The following NLRP5 variants were observed in gnomAD, a reference collection of about 807,000 sequenced individuals.
NLRP5 encodes NACHT, LRR and PYD domains-containing protein 5.
NLRP5 carries 93 observed loss-of-function variants against 113.1 expected under a neutral mutation model. The ratio of observed to expected loss-of-function variants is 0.82; its 90% confidence interval spans 0.70 to 0.98. The LOEUF is 0.98. NLRP5 is among the 50% of genes least tolerant of loss of function. The pLI is 0.00. For synonymous variants in NLRP5, 751 were observed against 600.7 expected (o/e 1.25, Z -3.66); for missense variants, 1,808 against 1,514.3 (o/e 1.19, Z -3.22).
At chr19:56,021,281 AAG>A (rs1982607361) in intron 6 of NLRP5, among the ~76,000 whole-genome samples, 1 of 152,210 alleles carries the variant, frequency 6.6e-6, no homozygotes, top group South Asian at 2.1e-4. Flanking sequence ...CCAAAGATGT[AAG>A]AGCAGGCTTC....
In NLRP5 at chr19:56,028,510, G is replaced by T. The variant is rs1192602636; in HGVS notation, c.2276+1G>T. 2 of 1,611,470 alleles carry T rather than the reference G, an allele frequency of 1.2e-6. No individual in the cohort carries two copies. The highest frequency in any genetic ancestry group is 1.1e-5 in the South Asian group (1 of 90,862). On this transcript the variant is annotated splice_donor_variant, in intron 7 of 14. Transcript: ENST00000390649. LOFTEE classifies it high-confidence loss of function. Reference sequence around the variant, plus strand: ...AGGCATGTCCTGTGGTCCCTCTATGGTGAGTACCCCAGGCAGTTTTATCCT... The same window carrying T: ...AGGCATGTCCTGTGGTCCCTCTATGTTGAGTACCCCAGGCAGTTTTATCCT...
At chr19:56,032,225 G>A (rs1357758597) in intron 7 of NLRP5, among the ~76,000 whole-genome samples, 9 of 151,942 alleles carry the variant, frequency 5.9e-5, no homozygotes, top group African/African-American at 2.2e-4. Flanking sequence ...TGCGCCTGTA[G>A]TCCCAGCTAC....
chr19:55,995,799 CTTAG>C (rs1162545784), upstream of NLRP5, among the ~76,000 whole-genome samples: 1 of 151,910 alleles, frequency 6.6e-6, no homozygotes, highest in Non-Finnish European at 1.5e-5. Flanking sequence ...TTCTTACCTC[CTTAG>C]TTAAATTTAT....
In NLRP5 at chr19:56,032,731, G is replaced by A. The variant is rs561876909; in HGVS notation, c.2397G>A (p.Lys799=). Reference sequence around the variant, plus strand: ...GCATCCTGACAGAGCGGGCCATGAAGACCCTGTGTGCCAAGCTGAGGCATC... The same window carrying A: ...GCATCCTGACAGAGCGGGCCATGAAAACCCTGTGTGCCAAGCTGAGGCATC... Residue 799 remains lysine (K), a synonymous_variant, in exon 8 of 15, where the codon AAG becomes AAA. Coordinates refer to ENST00000390649, the MANE Select transcript of NLRP5 (RefSeq NM_153447.4). 6.2e-7 allele frequency: 1 copy of A among 1,612,882 alleles called. No homozygotes were observed.
At chr19:55,999,634 A>G (rs1981548086), upstream of NLRP5, 1 of 966,436 alleles carries the variant, frequency 1.0e-6, no homozygotes, top group South Asian at 1.3e-5. Flanking sequence ...GAAACCTCAC[A>G]GTAACCCTTG....
rs918889035 is a variant in NLRP5, at chr19:56,061,739, A to G, written c.*211A>G. The stretch of plus-strand genomic sequence containing the variant: ...TAGAGACCTTCAAGTCATAGGACTC[A>G]GTATCTGTGAAATGTCCGTCATATC... On this transcript the variant is annotated 3_prime_UTR_variant, in exon 15 of 15. Transcript: ENST00000390649. The G allele has an allele frequency of 7.3e-6, 4 of 546,194 alleles. No homozygotes were observed. In the Admixed American group the frequency reaches 1.0e-4, roughly 14 times the overall value. The allele number at this position is 546,194 out of a possible 1,614,324, so 33.8% of individuals were successfully genotyped here.
intron 2 of NLRP5, among the ~76,000 whole-genome samples, chr19:56,005,775 C>T (rs191383344): frequency 2.6e-5 from 4 of 152,210 alleles, no homozygotes; most frequent in Admixed American, 1.3e-4. Flanking sequence ...GGGTATTATT[C>T]CCAGGAAGAG....
At chr19:56,000,734 G>A (rs1981613706) in intron 1 of NLRP5, among the ~76,000 whole-genome samples, 1 of 151,954 alleles carries the variant, frequency 6.6e-6, no homozygotes, top group African/African-American at 2.4e-5. Flanking sequence ...TTGGTCGGGT[G>A]TGGTGGCTCA....
At chr19:56,054,633 G>C (rs898625354) in intron 13 of NLRP5, among the ~76,000 whole-genome samples, 1 of 151,458 alleles carries the variant, frequency 6.6e-6, no homozygotes, top group Admixed American at 6.6e-5. Context: ...ACGTCGTGCT[G>C]AGTGAAAGAA....
At chr19:56,052,252 T>G (rs1262162924) in intron 12 of NLRP5, among the ~76,000 whole-genome samples, 2 of 112,150 alleles carry the variant, frequency 1.8e-5, no homozygotes, top group East Asian at 2.0e-4. Context: ...TTTTGTTTTG[T>G]TTTTGTTTTT....
intron 1 of NLRP5, among the ~76,000 whole-genome samples, chr19:56,000,717 T>C (rs547594673): frequency 6.6e-5 from 10 of 151,862 alleles, no homozygotes; most frequent in Non-Finnish European, 1.3e-4. Context: ...GTTAGAAATA[T>C]TCAAACTTGG....
Position 56,061,686 on chromosome 19 carries a change from C to A in NLRP5, c.*158C>A. 1 of 804,670 alleles carries A rather than the reference C, an allele frequency of 1.2e-6. No homozygotes were observed. Among genetic ancestry groups the A allele is most frequent in the Non-Finnish European group, 2.0e-6 (1 of 502,204 alleles). The allele number at this position is 804,670 out of a possible 1,614,324, so 49.8% of individuals were successfully genotyped here. ...AATGGTAGTGATTCTTCTGTGTTCA[C>A]TCTACGTTGGTTACTGGATTTGAAG... On this transcript the variant is annotated 3_prime_UTR_variant, in exon 15 of 15. Transcript: ENST00000390649.
At chr19:56,037,931 A>G in intron 9 of NLRP5, 94 bp from the exon 10 acceptor site, 1 of 1,340,690 alleles carries the variant, frequency 7.5e-7, no homozygotes, top group Non-Finnish European at 1.0e-6. Flanking sequence ...GAGGACCAGG[A>G]AAACGGCCAG....
At chr19:56,004,950 C>T (rs1176911316) in intron 2 of NLRP5, among the ~76,000 whole-genome samples, 1 of 151,580 alleles carries the variant, frequency 6.6e-6, no homozygotes, top group African/African-American at 2.4e-5. Flanking sequence ...AAAAATTAGC[C>T]AGGCGTCATG....
At position 56,016,958 on chromosome 19, in the gene NLRP5, G is replaced by A. The variant is rs143333446; in HGVS notation, c.565+1160G>A. Among the ~76,000 whole-genome samples, 246 of 152,164 alleles carry A rather than the reference G, an allele frequency of 1.6e-3. 4 individuals are homozygous for A. The East Asian group carries it at 0.034, about 21-fold the overall frequency. On this transcript the variant is annotated intron_variant, in intron 4 of 14. Transcript: ENST00000390649. ...CAAGTAGCTGGGATTACAGGCATGCGCCACCATGCCCAGCTAATTTTTGTA... is the reference window on the plus strand; with the variant it reads ...CAAGTAGCTGGGATTACAGGCATGCACCACCATGCCCAGCTAATTTTTGTA...
rs1179992208 is a variant in NLRP5, at chr19:56,050,562, A to G, written c.3102A>G (p.Glu1034=). ...AGCTTCTGTGCGAGGTCATGAGAGA[A>G]CCATCTTGTCATCTCCAGGACCTGG... is the stretch of plus-strand genomic sequence containing the variant. Residue 1034 remains glutamate, a synonymous_variant, in exon 12 of 15, where the codon GAA becomes GAG. Transcript: ENST00000390649. 1 of 1,613,750 alleles carries G rather than the reference A, an allele frequency of 6.2e-7. No homozygotes were observed. Among genetic ancestry groups the G allele is most frequent in the African/African-American group, 1.3e-5 (1 of 74,930 alleles).
chr19:56,028,373 A>T lies in NLRP5; in HGVS notation c.2140A>T (p.Ile714Phe). ...CAGCTTCCAAGAAGTGTGGCTTCCG[A>T]TTAACCAGAACCTGGACTTGATAGC... The change falls in exon 7 of 15, where the codon ATT becomes TTT. Residue 714 changes from isoleucine (I) to phenylalanine (F), a missense_variant. By Grantham distance (21) the Ile-to-Phe change is conservative. Transcript: ENST00000390649. The T allele has an allele frequency of 1.2e-6, 2 of 1,613,956 alleles. No individual in the cohort carries two copies. Among genetic ancestry groups the T allele is most frequent in the Non-Finnish European group, 1.7e-6 (2 of 1,179,864 alleles).
intron 10 of NLRP5, among the ~76,000 whole-genome samples, chr19:56,038,555 G>C (rs1012585050): frequency 6.6e-6 from 1 of 152,120 alleles, no homozygotes; most frequent in Admixed American, 6.6e-5. Context: ...TACCCACTCA[G>C]TCACTCAAAG....
At chr19:56,007,512 C>CAT (rs1243274060) in intron 2 of NLRP5, among the ~76,000 whole-genome samples, 1 of 151,020 alleles carries the variant, frequency 6.6e-6, no homozygotes, top group Non-Finnish European at 1.5e-5. Flanking sequence ...ACATTCTGAG[C>CAT]ATAAAGTCAG....
Sources: gnomAD v4.1 joint callset for allele counts (sites outside exome capture counted in the v4.1 genomes callset) on GRCh38, gnomAD v4.1.1 for gene constraint, MANE v1.5 for transcripts, NCBI Gene and HGNC (gene_info 2026-07-23, HGNC 2026-07-21) for gene names.